Variants in PACSIN2 observed in about 807,000 individuals in gnomAD.
The protein encoded by PACSIN2 is protein kinase C and casein kinase substrate in neurons protein 2.
Under a neutral mutation model 63.8 loss-of-function variants are expected in PACSIN2, and 25 were observed. The ratio of observed to expected loss-of-function variants is 0.39; its 90% CI spans 0.29 to 0.55. PACSIN2 has a LOEUF of 0.55. Ranked by LOEUF, PACSIN2 falls within the 20% of genes least tolerant of loss-of-function variation. The probability of loss-of-function intolerance (pLI) is 0.62; values close to 1 mark genes in which losing one functional copy is unlikely to be tolerated. For missense variants in PACSIN2, 518 were observed against 646.9 expected (o/e 0.80, Z 2.16); for synonymous variants, 255 against 256.2 (o/e 1.00, Z 0.05).
At chr22:42,876,623 T>C (rs1249188243) in intron 9 of PACSIN2, among the ~76,000 whole-genome samples, 2 of 152,196 alleles carry the variant, frequency 1.3e-5, no homozygotes. Context: ...TTTCCTGTCA[T>C]GGTGCTGCTA....
intron 1 of PACSIN2, among the ~76,000 whole-genome samples, chr22:42,936,176 A>T (rs998756746): frequency 1.3e-5 from 2 of 150,724 alleles, no homozygotes; most frequent in Admixed American, 6.7e-5. Flanking sequence ...AGATTGCGCC[A>T]CTGCACTCCA....
At chr22:42,993,603 A>C (rs1923196691) in intron 1 of PACSIN2, 1 of 152,248 alleles carries the variant, frequency 6.6e-6, no homozygotes, top group Non-Finnish European at 1.5e-5. Flanking sequence ...CCTTCCCAAG[A>C]AAGGGCAGCT....
chr22:42,928,077 GA>G (rs1264506767), intron 1 of PACSIN2, among the ~76,000 whole-genome samples: 1 of 152,142 alleles, frequency 6.6e-6, no homozygotes, highest in African/African-American at 2.4e-5. Context: ...ACATTCCAAA[GA>G]GAGTTGAAGA....
At chr22:42,959,547 T>C (rs1934051630) in intron 1 of PACSIN2, 1 of 152,230 alleles carries the variant, frequency 6.6e-6, no homozygotes, top group South Asian at 2.1e-4. Context: ...CCGAAATCTA[T>C]TCTCCAAGAA....
chr22:42,909,922 C>T (rs549440227), intron 2 of PACSIN2, among the ~76,000 whole-genome samples: 1 of 152,314 alleles, frequency 6.6e-6, no homozygotes, highest in South Asian at 2.1e-4. Context: ...CCCTCAGCTC[C>T]CGTGTCAGAG....
At chr22:42,972,000 T>G (rs1921352603) in intron 1 of PACSIN2, among the ~76,000 whole-genome samples, 1 of 151,908 alleles carries the variant, frequency 6.6e-6, no homozygotes, top group Admixed American at 6.6e-5. Flanking sequence ...CCACCCCGTC[T>G]GGGAGGTGTA....
chr22:42,998,918 T>C (rs1313957783), intron 1 of PACSIN2, among the ~76,000 whole-genome samples: 1 of 152,126 alleles, frequency 6.6e-6, no homozygotes, highest in Non-Finnish European at 1.5e-5. Flanking sequence ...GGCTGCAGAA[T>C]GGCCAAACTC....
At chr22:42,888,847 T>TG in intron 4 of PACSIN2, 49 bp from the exon 5 acceptor site, 1 of 1,587,964 alleles carries the variant, frequency 6.3e-7, no homozygotes, top group South Asian at 1.1e-5. Flanking sequence ...GAGTTCAGGA[T>TG]CCTCACTAGA....
intron 6 of PACSIN2, among the ~76,000 whole-genome samples, chr22:42,883,340 G>A (rs1316837075): frequency 6.6e-6 from 1 of 152,174 alleles, no homozygotes; most frequent in Non-Finnish European, 1.5e-5. Flanking sequence ...GAGCAGCAGC[G>A]GTGCAGTAAC....
chr22:42,888,505 G>C (rs1929655715), intron 5 of PACSIN2, 138 bp downstream of exon 5: 1 of 803,086 alleles, frequency 1.2e-6, no homozygotes, highest in African/African-American at 1.7e-5. Flanking sequence ...TGGCCTTCTT[G>C]AGGACAGGGG....
At chr22:42,931,597 G>T (rs1349791142) in intron 1 of PACSIN2, among the ~76,000 whole-genome samples, 1 of 152,200 alleles carries the variant, frequency 6.6e-6, no homozygotes, top group Non-Finnish European at 1.5e-5. Context: ...GGAACAGCGA[G>T]GAAGGAAGGA....
At chr22:42,883,674 G>A (rs1478165484) in intron 6 of PACSIN2, among the ~76,000 whole-genome samples, 2 of 152,238 alleles carry the variant, frequency 1.3e-5, no homozygotes, top group African/African-American at 2.4e-5. Flanking sequence ...GGCACGACCA[G>A]CCCAGAAATG....
intron 1 of PACSIN2, among the ~76,000 whole-genome samples, chr22:42,986,711 A>G (rs1434361250): frequency 6.6e-6 from 1 of 152,158 alleles, no homozygotes; most frequent in East Asian, 1.9e-4. Context: ...CTTTTGTGCT[A>G]TGACCTGAAG....
At chr22:42,995,723 C>A (rs1003272784) in intron 1 of PACSIN2, among the ~76,000 whole-genome samples, 1 of 152,140 alleles carries the variant, frequency 6.6e-6, no homozygotes, top group Non-Finnish European at 1.5e-5. Context: ...GGCCTTAAAG[C>A]ACATTCCACC....
In PACSIN2 at chr22:43,014,365, C is replaced by CACA. The variant is rs1227376539; in HGVS notation, c.-78+655_-78+656insTGT. Among the ~76,000 whole-genome samples the CACA allele has an allele frequency of 1.9e-3, 18 of 9,386 alleles. 1 individual carries two copies. The highest frequency in any genetic ancestry group is 6.9e-3 in the African/African-American group (16 of 2,314). The allele number at this position is 9,386 out of a possible 152,430, so 6.2% of individuals were successfully genotyped here. On this transcript the variant is annotated intron_variant, in intron 1 of 10. Coordinates refer to ENST00000263246, the MANE Select transcript of PACSIN2 (RefSeq NM_001184970.3). ...ACACACACACACAGACACACACACACCACCCCCCCCCCCCCGGGACACGGA... is the reference window on the plus strand; with the variant it reads ...ACACACACACACAGACACACACACACACACACCCCCCCCCCCCCGGGACACGGA...
At chr22:42,925,819 C>A (rs1425286023) in intron 1 of PACSIN2, among the ~76,000 whole-genome samples, 1 of 152,202 alleles carries the variant, frequency 6.6e-6, no homozygotes, top group African/African-American at 2.4e-5. Context: ...TGTCTACCAC[C>A]GGCCTCACGG....
chr22:42,970,047 T>C (rs1921136607), intron 1 of PACSIN2, among the ~76,000 whole-genome samples: 1 of 151,956 alleles, frequency 6.6e-6, no homozygotes, highest in Admixed American at 6.6e-5. Flanking sequence ...CCCAAATGCA[T>C]CTCCACCTGA....
intron 1 of PACSIN2, among the ~76,000 whole-genome samples, chr22:43,004,324 G>A (rs1180306387): frequency 6.6e-6 from 1 of 152,166 alleles, no homozygotes; most frequent in Non-Finnish European, 1.5e-5. Context: ...TTCAGAACAT[G>A]GGGGCCTGTG....
intron 1 of PACSIN2, among the ~76,000 whole-genome samples, chr22:42,985,169 A>T (rs1331409878): frequency 6.6e-6 from 1 of 152,244 alleles, no homozygotes; most frequent in Non-Finnish European, 1.5e-5. Context: ...CTCTGCTAAA[A>T]ATACAAAACT....
Sources: allele counts gnomAD v4.1 joint callset (sites outside exome capture counted in the v4.1 genomes callset), GRCh38; gene constraint gnomAD v4.1.1; transcripts MANE v1.5; gene names NCBI Gene and HGNC (gene_info 2026-07-23, HGNC 2026-07-21).